The following IQSEC1 variants were observed in gnomAD, a reference collection of about 807,000 sequenced individuals.
IQSEC1 encodes the protein IQ motif and Sec7 domain ArfGEF 1.
In IQSEC1, 31 loss-of-function variants were observed where a neutral mutation model predicts 91.0. The ratio of observed to expected loss-of-function variants is 0.34; its 90% CI spans 0.26 to 0.46. The LOEUF is 0.46. Ranked by LOEUF, IQSEC1 falls within the 20% of genes least tolerant of loss-of-function variation. The pLI, the probability that IQSEC1 is intolerant of heterozygous loss-of-function variation, is 1.00. For synonymous variants in IQSEC1, 699 were observed against 662.6 expected (o/e 1.05, Z -0.84); for missense variants, 1,388 against 1,575.6 (o/e 0.88, Z 2.02).
Position 13,103,067 on chromosome 3 carries a change from C to T in IQSEC1, c.303-55545G>A, listed in dbSNP as rs1029715885. Among the ~76,000 whole-genome samples the T allele has an allele frequency of 7.2e-5, 11 of 152,008 alleles. No homozygotes were observed. The highest frequency in any genetic ancestry group is 1.4e-4 in the African/African-American group (6 of 41,388). On this transcript the variant is annotated intron_variant, in intron 2 of 15. Transcript: ENST00000648114. The surrounding 1 kb of genome is among the most constrained non-coding windows in gnomAD (Gnocchi z 4.1). ...ATGTCGGAAGGGACTCTGACTTCTG[C>T]GCAGGGATGCAGCTTGCTCCCATGC...
intron 2 of IQSEC1, among the ~76,000 whole-genome samples, chr3:13,109,375 T>C (rs978150990): frequency 2.6e-5 from 4 of 152,126 alleles, no homozygotes; most frequent in African/African-American, 9.7e-5. Context: ...AGTGTGTGGA[T>C]AGACAGAGCC....
chr3:12,946,200 C>T (rs1022728640), intron 1 of IQSEC1, among the ~76,000 whole-genome samples: 9 of 152,336 alleles, frequency 5.9e-5, no homozygotes, highest in African/African-American at 1.9e-4. Flanking sequence ...ATCCCTGCCC[C>T]GACCTCTTGA....
intron 1 of IQSEC1, among the ~76,000 whole-genome samples, chr3:13,256,863 AGGGTGCAGCACCAGCAGC>A (rs72021959): frequency 0.25 from 37,810 of 151,798 alleles, 6,169 homozygotes; most frequent in African/African-American, 0.47. Context: ...CCCTGGGGAG[AGGGTGCAGCACCAGCAGC>A]GGGTGCAGCA....
chr3:13,207,074 T>A lies in IQSEC1; in HGVS notation c.273-42941A>T, dbSNP rs73134130. On this transcript the variant is annotated intron_variant, in intron 1 of 15. Coordinates refer to the IQSEC1 transcript ENST00000648114. The surrounding 1 kb of genome is among the most constrained non-coding windows in gnomAD (Gnocchi z 4.8). ...GGACAGCATCTGAGCTTCGTAGACC[T>A]GGGCAGGGCTGTTGGGAGTTGCTGG... 0.19 allele frequency among the ~76,000 whole-genome samples: 28,883 copies of A among 152,066 alleles called. 3,737 individuals are homozygous for A. The highest frequency in any genetic ancestry group is 0.37 in the African/African-American group (15,253 of 41,434).
chr3:13,091,804 C>T (rs1168367048), intron 2 of IQSEC1, among the ~76,000 whole-genome samples: 12 of 152,182 alleles, frequency 7.9e-5, no homozygotes, highest in Non-Finnish European at 1.5e-5. Flanking sequence ...GCAGAGGACA[C>T]GTGTGGCACA....
In IQSEC1 at chr3:12,967,308, C is replaced by G; in HGVS notation, c.24-25443G>C. Reference sequence around the variant, plus strand: ...CGGTCCCGACGGTCACCCGCACTCCCGCACAGGCATCCCCACAGCCTGCGC... The same window carrying G: ...CGGTCCCGACGGTCACCCGCACTCCGGCACAGGCATCCCCACAGCCTGCGC... On this transcript the variant is annotated intron_variant, in intron 1 of 13. Transcript: ENST00000613206. The surrounding 1 kb of genome is among the most constrained non-coding windows in gnomAD (Gnocchi z 5.9). 4.6e-6 allele frequency: 6 copies of G among 1,299,734 alleles called. No individual in the cohort carries two copies. Among genetic ancestry groups the G allele is most frequent in the Non-Finnish European group, 6.3e-6 (6 of 950,978 alleles). 80.5% of individuals were successfully genotyped at this position (1,299,734 alleles called of 1,614,324 possible).
At chr3:12,972,085 ATT>A (rs34042187) in intron 1 of IQSEC1, among the ~76,000 whole-genome samples, 118 of 145,366 alleles carry the variant, frequency 8.1e-4, no homozygotes, top group South Asian at 5.9e-3. Context: ...AACCAATGCA[ATT>A]TTTTTTTTTT....
intron 1 of IQSEC1, among the ~76,000 whole-genome samples, chr3:13,186,201 G>A (rs554850885): frequency 2.6e-5 from 4 of 152,298 alleles, no homozygotes; most frequent in South Asian, 2.1e-4. Context: ...CCACTGGAAC[G>A]TCTGCTCCCT....
At chr3:12,941,361 T>C (rs1018765963) in intron 2 of IQSEC1, among the ~76,000 whole-genome samples, 3 of 152,226 alleles carry the variant, frequency 2.0e-5, no homozygotes, top group Non-Finnish European at 2.9e-5. Context: ...AGGTCCTTCA[T>C]ACACGCCAGC....
In IQSEC1 at chr3:12,949,132, T is replaced by C. The variant is rs1438780621; in HGVS notation, c.24-7267A>G. Among the ~76,000 whole-genome samples, 3 of 152,226 alleles carry C rather than the reference T, an allele frequency of 2.0e-5. No individual in the cohort carries two copies. The East Asian group carries it at 5.8e-4, about 29-fold the overall frequency. On this transcript the variant is annotated intron_variant, in intron 1 of 13. Transcript: ENST00000613206. Reference sequence around the variant, plus strand: ...GAAGAGTTGAGTCACCAAGTCAAGGTTGTGAGTATAAGACAGAGTTGTGTG... The same window carrying C: ...GAAGAGTTGAGTCACCAAGTCAAGGCTGTGAGTATAAGACAGAGTTGTGTG...
Position 12,994,524 on chromosome 3 carries a change from A to G in IQSEC1, c.24-52659T>C, listed in dbSNP as rs895103718. On this transcript the variant is annotated intron_variant, in intron 1 of 13. Coordinates refer to ENST00000613206, the MANE Select transcript of IQSEC1 (RefSeq NM_001134382.3). The surrounding 1 kb of genome is among the most constrained non-coding windows in gnomAD (Gnocchi z 4.5). ...CACTGCGACCCCCGGCATTTCCCTC[A>G]GACTACCCCAGACCCCCAATAAACA... Among the ~76,000 whole-genome samples the G allele has an allele frequency of 6.6e-6, 1 of 152,008 alleles. No homozygotes were observed. Among genetic ancestry groups the G allele is most frequent in the Non-Finnish European group, 1.5e-5 (1 of 67,970 alleles).
At chr3:13,009,203 A>G (rs970776307) in intron 1 of IQSEC1, among the ~76,000 whole-genome samples, 3 of 152,222 alleles carry the variant, frequency 2.0e-5, no homozygotes, top group Admixed American at 6.5e-5. Flanking sequence ...ACTGAGGCCC[A>G]GAGAGGCCTG....
intron 1 of IQSEC1, among the ~76,000 whole-genome samples, chr3:13,173,706 G>GC (rs1693663813): frequency 1.3e-5 from 2 of 152,372 alleles, no homozygotes; most frequent in African/African-American, 4.8e-5. Flanking sequence ...GTAGGTCTGG[G>GC]CCTTGGACAG....
chr3:13,137,167 G>C (rs1706725075), intron 2 of IQSEC1, among the ~76,000 whole-genome samples: 1 of 152,144 alleles, frequency 6.6e-6, no homozygotes, highest in Admixed American at 6.5e-5. Flanking sequence ...TTTCTTGTTA[G>C]GTTGACCACT....
chr3:13,182,364 C>T (rs377271198), intron 1 of IQSEC1, among the ~76,000 whole-genome samples: 1 of 152,208 alleles, frequency 6.6e-6, no homozygotes, highest in African/African-American at 2.4e-5. Context: ...CAGCCCCATA[C>T]TCACGAGCCA....
intron 1 of IQSEC1, among the ~76,000 whole-genome samples, chr3:13,038,159 TATATATATGA>T (rs1484019778): frequency 2.0e-5 from 3 of 148,618 alleles, no homozygotes; most frequent in African/African-American, 7.4e-5. Context: ...GAAAACTTGG[TATATATATGA>T]ATATATATAT....
intron 1 of IQSEC1, among the ~76,000 whole-genome samples, chr3:13,242,360 C>T (rs1184058426): frequency 1.3e-5 from 2 of 152,198 alleles, no homozygotes; most frequent in African/African-American, 4.8e-5. Flanking sequence ...TAGAATTTTC[C>T]CAAGTGCTTC....
chr3:12,909,074 C>T lies in IQSEC1; in HGVS notation c.2578+199G>A, dbSNP rs562191556. Among the ~76,000 whole-genome samples the T allele has an allele frequency of 8.8e-4, 134 of 152,288 alleles. 1 individual carries two copies. Among genetic ancestry groups the T allele is most frequent in the African/African-American group, 3.1e-3 (127 of 41,566 alleles). ...GACATACAACAGGCAACAGGTAGGG[C>T]GGGTCCTGGATTGGACTCCCTCTGT... On this transcript the variant is annotated intron_variant, in intron 11 of 13. Coordinates refer to ENST00000613206, the MANE Select transcript of IQSEC1 (RefSeq NM_001134382.3). The surrounding 1 kb of genome is among the most constrained non-coding windows in gnomAD (Gnocchi z 4.9).
At chr3:13,046,410 C>G (rs1298235889) in intron 1 of IQSEC1, among the ~76,000 whole-genome samples, 1 of 152,196 alleles carries the variant, frequency 6.6e-6, no homozygotes, top group Non-Finnish European at 1.5e-5. Context: ...GGAAGCAGGG[C>G]CCAGATGGCC....
Sources: gnomAD v4.1 joint callset for allele counts (sites outside exome capture counted in the v4.1 genomes callset) on GRCh38, gnomAD v4.1.1 for gene constraint, Gnocchi (gnomAD v3.1) non-coding constraint, MANE v1.5 for transcripts, NCBI Gene and HGNC (gene_info 2026-07-23, HGNC 2026-07-21) for gene names.